Variants in KIAA1549L observed in about 807,000 individuals in gnomAD.
KIAA1549L encodes UPF0606 protein KIAA1549L.
Under a neutral mutation model 160.7 loss-of-function variants are expected in KIAA1549L, and 88 were observed. The ratio of observed to expected loss-of-function variants is 0.55; its 90% CI spans 0.46 to 0.65. The LOEUF (loss-of-function observed/expected upper bound fraction) is 0.65. Ranked by LOEUF, KIAA1549L falls within the 30% of genes least tolerant of loss-of-function variation. The probability of loss-of-function intolerance (pLI) is 0.00; values close to 1 mark genes in which losing one functional copy is unlikely to be tolerated. For missense variants in KIAA1549L, 2,258 were observed against 2,437.5 expected (o/e 0.93, Z 1.55); for synonymous variants, 950 against 976.7 (o/e 0.97, Z 0.51).
chr11:33,491,662 A>G (rs1852666992), intron 1 of KIAA1549L, among the ~76,000 whole-genome samples: 1 of 152,192 alleles, frequency 6.6e-6, no homozygotes, highest in Admixed American at 6.5e-5. Flanking sequence ...TTTTCTATAG[A>G]AGAAGCCCTG....
chr11:33,435,800 A>ATGTGTGTGTGTGTGTG (rs1309350867), intron 1 of KIAA1549L, among the ~76,000 whole-genome samples: 2 of 12,884 alleles, frequency 1.6e-4, no homozygotes, highest in Non-Finnish European at 2.7e-4. Context: ...ATATATATAT[A>ATGTGTGTGTGTGTGTG]TATATATATA....
chr11:33,616,031 T>G (rs1020961010), intron 15 of KIAA1549L, among the ~76,000 whole-genome samples: 1 of 152,206 alleles, frequency 6.6e-6, no homozygotes, highest in African/African-American at 2.4e-5. Context: ...GTTTATACTA[T>G]TAGCTTGTGA....
At chr11:33,532,143 C>T (rs1020746341) in intron 1 of KIAA1549L, among the ~76,000 whole-genome samples, 2 of 152,218 alleles carry the variant, frequency 1.3e-5, no homozygotes, top group Admixed American at 6.5e-5. Flanking sequence ...AGCCCTTGCC[C>T]TCTCTGAGCT....
At chr11:33,504,975 C>T (rs1853046366) in intron 1 of KIAA1549L, among the ~76,000 whole-genome samples, 1 of 152,072 alleles carries the variant, frequency 6.6e-6, no homozygotes, top group Non-Finnish European at 1.5e-5. Context: ...CCATGTTGCC[C>T]AAGCTGGTCT....
chr11:33,428,934 C>T (rs1364121007), intron 1 of KIAA1549L, among the ~76,000 whole-genome samples: 1 of 152,142 alleles, frequency 6.6e-6, no homozygotes, highest in Non-Finnish European at 1.5e-5. Flanking sequence ...AAAAGTGTTC[C>T]TATTTCTCCA....
intron 1 of KIAA1549L, among the ~76,000 whole-genome samples, chr11:33,492,906 G>A (rs1457665582): frequency 6.6e-6 from 1 of 152,144 alleles, no homozygotes; most frequent in African/African-American, 2.4e-5. Context: ...CAGTACTAAT[G>A]TGGAGGGAGG....
chr11:33,377,754 T>G (rs1849986207), intron 1 of KIAA1549L, among the ~76,000 whole-genome samples: 1 of 152,230 alleles, frequency 6.6e-6, no homozygotes, highest in South Asian at 2.1e-4. Flanking sequence ...TTTTGCATTT[T>G]TTAGCAAGGA....
At chr11:33,589,720 T>C (rs560895184) in intron 11 of KIAA1549L, among the ~76,000 whole-genome samples, 3 of 151,762 alleles carry the variant, frequency 2.0e-5, no homozygotes, top group Admixed American at 1.3e-4. Flanking sequence ...ATGAGAACAC[T>C]TGGACACAGG....
At chr11:33,600,482 C>T (rs980726904) in intron 13 of KIAA1549L, among the ~76,000 whole-genome samples, 1 of 152,242 alleles carries the variant, frequency 6.6e-6, no homozygotes. Context: ...AATACTGTGA[C>T]GGCCATCACC....
intron 8 of KIAA1549L, among the ~76,000 whole-genome samples, chr11:33,564,744 T>G (rs1854989985): frequency 1.4e-5 from 2 of 147,412 alleles, no homozygotes; most frequent in Admixed American, 6.8e-5. Context: ...AGTGTGTCCT[T>G]GAGCAAGCCA....
In KIAA1549L at chr11:33,606,804, G is replaced by C. The variant is rs374736947; in HGVS notation, c.5043G>C (p.Ser1681=). ...PPTSDRSQES[S]AVLNGEVNKA... is the part of the protein sequence containing the mutation. ...CCTCGGACAGGAGCCAGGAGTCATC[G>C]GCAGTCCTCAACGGCGAGGTAAGTG... is the stretch of plus-strand genomic sequence containing the variant. Residue 1681 remains serine (S), a synonymous_variant, in exon 14 of 21, where the codon TCG becomes TCC. Transcript: ENST00000658780. The C allele has an allele frequency of 5.5e-5, 89 of 1,610,170 alleles. No homozygotes were observed. The African/African-American group carries it at 1.1e-3, about 21-fold the overall frequency.
intron 1 of KIAA1549L, among the ~76,000 whole-genome samples, chr11:33,488,991 G>A (rs184296854): frequency 1.3e-5 from 2 of 152,292 alleles, no homozygotes; most frequent in Admixed American, 6.5e-5. Context: ...TTGTTATGTT[G>A]TTAAATCCTC....
intron 1 of KIAA1549L, among the ~76,000 whole-genome samples, chr11:33,464,836 G>C (rs1263472123): frequency 6.6e-6 from 1 of 151,942 alleles, no homozygotes; most frequent in Non-Finnish European, 1.5e-5. Context: ...CCTTGTGCTT[G>C]ATTCAGCTGT....
At chr11:33,493,303 C>G (rs1852738832) in intron 1 of KIAA1549L, among the ~76,000 whole-genome samples, 1 of 152,170 alleles carries the variant, frequency 6.6e-6, no homozygotes, top group Admixed American at 6.5e-5. Flanking sequence ...TGCTCTCTTG[C>G]CCCCTTCTTC....
chr11:33,403,296 C>CATGGACACACACATGCAG (rs1850553246), intron 1 of KIAA1549L: 3 of 82,982 alleles, frequency 3.6e-5, no homozygotes, highest in Admixed American at 2.5e-4. Flanking sequence ...CACACACACA[C>CATGGACACACACATGCAG]ACACGCATAC....
Position 33,669,062 on chromosome 11 carries a change from C to T in KIAA1549L, c.*908C>T, listed in dbSNP as rs1049115610. The stretch of plus-strand genomic sequence containing the variant: ...TTTTACAAGAAAATCTCTGTCTCTT[C>T]AACAATGATGTCCAGTGTGTGCTGC... On this transcript the variant is annotated 3_prime_UTR_variant, in exon 21 of 21. Coordinates refer to ENST00000658780, the MANE Select transcript of KIAA1549L (RefSeq NM_012194.3). 1.3e-5 allele frequency: 2 copies of T among 152,150 alleles called. No individual in the cohort carries two copies. Among genetic ancestry groups the T allele is most frequent in the African/African-American group, 4.8e-5 (2 of 41,418 alleles). 9.4% of individuals were successfully genotyped at this position (152,150 alleles called of 1,614,324 possible).
chr11:33,418,891 T>TA (rs1158214915), intron 1 of KIAA1549L, among the ~76,000 whole-genome samples: 4 of 109,244 alleles, frequency 3.7e-5, no homozygotes, highest in Non-Finnish European at 8.0e-5. Context: ...CTAGCTTTTT[T>TA]TTTTTTTTGG....
intron 1 of KIAA1549L, among the ~76,000 whole-genome samples, chr11:33,392,981 G>A (rs1389878771): frequency 1.3e-5 from 2 of 151,952 alleles, no homozygotes; most frequent in Non-Finnish European, 2.9e-5. Context: ...TCTCCTAATT[G>A]TCCCCTGTCT....
intron 1 of KIAA1549L, among the ~76,000 whole-genome samples, chr11:33,418,702 G>A (rs1850936800): frequency 6.6e-6 from 1 of 152,144 alleles, no homozygotes; most frequent in South Asian, 2.1e-4. Flanking sequence ...ATGGAGGCTT[G>A]TTTGTGTATA....
Sources: allele counts gnomAD v4.1 joint callset (sites outside exome capture counted in the v4.1 genomes callset), GRCh38; gene constraint gnomAD v4.1.1; transcripts MANE v1.5; gene names NCBI Gene and HGNC (gene_info 2026-07-23, HGNC 2026-07-21).